The following GPAT3 variants were observed in gnomAD, a reference collection of about 807,000 sequenced individuals.
GPAT3 encodes glycerol-3-phosphate acyltransferase 3.
A neutral mutation model predicts 58.8 loss-of-function variants in GPAT3; 53 were observed. That is an observed-to-expected ratio of 0.90 (90% CI 0.72 to 1.13). GPAT3 has a LOEUF of 1.13. Ranked by LOEUF, GPAT3 falls within the 50% of genes most tolerant of loss-of-function variation. The pLI is 0.00. For synonymous variants in GPAT3, 197 were observed against 187.4 expected (o/e 1.05, Z -0.42); for missense variants, 511 against 527.6 (o/e 0.97, Z 0.31).
At position 83,574,243 on chromosome 4, in the gene GPAT3, AC is replaced by A. The variant is rs138147000; in HGVS notation, c.209-7316del. On this transcript the variant is annotated intron_variant, in intron 2 of 11. Transcript: ENST00000264409. ...CTGTATCTTCTTTGGTCTGCAGTAG[AC>A]CCTGATTTTCTTAACTGCTTGCTTA... 2.0e-3 allele frequency among the ~76,000 whole-genome samples: 310 copies of A among 152,306 alleles called. 3 individuals are homozygous for A. The highest frequency in any genetic ancestry group is 6.9e-3 in the African/African-American group (287 of 41,566).
At chr4:83,546,254 G>T (rs867837299) in intron 2 of GPAT3, among the ~76,000 whole-genome samples, 35 of 152,102 alleles carry the variant, frequency 2.3e-4, no homozygotes, top group Admixed American at 2.0e-4. Flanking sequence ...CAAAGTGCTG[G>T]GATTACAGGC....
chr4:83,587,422 G>A lies in GPAT3; in HGVS notation c.554+93G>A, dbSNP rs185826806. 3.3e-5 allele frequency: 37 copies of A among 1,108,262 alleles called. 1 individual carries two copies. The Admixed American group carries it at 3.7e-4, about 11-fold the overall frequency. 68.7% of individuals were successfully genotyped at this position (1,108,262 alleles called of 1,614,324 possible). On this transcript the variant is annotated intron_variant, in intron 4 of 11. Coordinates refer to ENST00000264409, the MANE Select transcript of GPAT3 (RefSeq NM_032717.5). Reference sequence around the variant, plus strand: ...AATATTTGTTTGATTCCTATGTATTGCATTATTATTATTATTATTTTTGAG... The same window carrying A: ...AATATTTGTTTGATTCCTATGTATTACATTATTATTATTATTATTTTTGAG...
At chr4:83,578,193 C>T (rs1196475351) in intron 2 of GPAT3, among the ~76,000 whole-genome samples, 1 of 152,176 alleles carries the variant, frequency 6.6e-6, no homozygotes, top group Non-Finnish European at 1.5e-5. Flanking sequence ...TTATGAATTG[C>T]TTGCTATATT....
intron 2 of GPAT3, among the ~76,000 whole-genome samples, chr4:83,575,374 T>G (rs1283550428): frequency 6.6e-6 from 1 of 152,172 alleles, no homozygotes; most frequent in Non-Finnish European, 1.5e-5. Context: ...AGTAACATTA[T>G]GTTTTCAGTC....
intron 6 of GPAT3, among the ~76,000 whole-genome samples, chr4:83,590,628 C>T (rs1307779633): frequency 6.6e-6 from 1 of 152,162 alleles, no homozygotes; most frequent in African/African-American, 2.4e-5. Context: ...TTTCTTTTTA[C>T]AGTTGCACAT....
At chr4:83,589,255 TG>T (rs1726499983) in intron 5 of GPAT3, among the ~76,000 whole-genome samples, 1 of 152,230 alleles carries the variant, frequency 6.6e-6, no homozygotes, top group South Asian at 2.1e-4. Context: ...TAAATAATTG[TG>T]TATTTGGTTC....
chr4:83,562,212 T>TAATATATATATATA (rs1560611087), intron 2 of GPAT3, among the ~76,000 whole-genome samples: 4 of 11,380 alleles, frequency 3.5e-4, no homozygotes, highest in African/African-American at 2.7e-3. Context: ...ATATATATAT[T>TAATATATATATATA]ATATATATAT....
intron 2 of GPAT3, among the ~76,000 whole-genome samples, chr4:83,549,965 C>T (rs911695533): frequency 4.6e-5 from 7 of 151,600 alleles, no homozygotes; most frequent in Non-Finnish European, 1.0e-4. Flanking sequence ...TCAAATGATC[C>T]ACCTGCCTCA....
At chr4:83,549,657 T>G (rs911784119) in intron 2 of GPAT3, among the ~76,000 whole-genome samples, 1 of 150,010 alleles carries the variant, frequency 6.7e-6, no homozygotes, top group Non-Finnish European at 1.5e-5. Context: ...CTCAGCCTCC[T>G]GAGTAGCTGG....
rs960402826 is a variant in GPAT3 at position 83,581,078 on chromosome 4, G to A, written c.209-484G>A. On this transcript the variant is annotated intron_variant, in intron 2 of 11. Transcript: ENST00000264409. ...GCCACTGCACTCCAGCCTGGGTGAC[G>A]GAGCAAGACTCCGTCTCAAAAAAAA... Among the ~76,000 whole-genome samples, 10 of 134,888 alleles carry A rather than the reference G, an allele frequency of 7.4e-5. No homozygotes were observed. In the East Asian group the frequency reaches 2.1e-3, roughly 29 times the overall value. The allele number at this position is 134,888 out of a possible 152,430, so 88.5% of individuals were successfully genotyped here.
In GPAT3 at chr4:83,561,628, T is replaced by C. The variant is rs576497843; in HGVS notation, c.208+17026T>C. Among the ~76,000 whole-genome samples, 22 of 152,286 alleles carry C rather than the reference T, an allele frequency of 1.4e-4. 1 individual carries two copies. Among genetic ancestry groups the C allele is most frequent in the Middle Eastern group, 3.4e-3 (1 of 294 alleles). ...GGGCAGGGATTGCAAAATCACAGCA[T>C]GTGCTAGTGTTCAGCATCTGATGTT... is the stretch of plus-strand genomic sequence containing the variant. On this transcript the variant is annotated intron_variant, in intron 2 of 11. Coordinates refer to ENST00000264409, the MANE Select transcript of GPAT3 (RefSeq NM_032717.5).
At chr4:83,544,781 T>G (rs1724445034) in intron 2 of GPAT3, among the ~76,000 whole-genome samples, 179 bp downstream of exon 2, 1 of 151,990 alleles carries the variant, frequency 6.6e-6, no homozygotes, top group Non-Finnish European at 1.5e-5. Context: ...ATTGTAAAGG[T>G]GGTAATATGT....
intron 1 of GPAT3, among the ~76,000 whole-genome samples, chr4:83,538,101 G>C (rs1416784518): frequency 6.6e-6 from 1 of 152,128 alleles, no homozygotes; most frequent in Non-Finnish European, 1.5e-5. Flanking sequence ...TCCCATTTTT[G>C]TGACCTGTTT....
At chr4:83,542,229 T>C (rs1191560226) in intron 1 of GPAT3, among the ~76,000 whole-genome samples, 1 of 152,252 alleles carries the variant, frequency 6.6e-6, no homozygotes, top group African/African-American at 2.4e-5. Flanking sequence ...TAACAATGAT[T>C]GTTTACAAAA....
rs374161859 is a variant in GPAT3, at chr4:83,599,987, T to C, written c.1205+1264T>C. Among the ~76,000 whole-genome samples the C allele has an allele frequency of 9.2e-5, 14 of 152,322 alleles. No homozygotes were observed. In the East Asian group the frequency reaches 1.7e-3, roughly 19 times the overall value. Reference sequence around the variant, plus strand: ...ATAATACACTGACTAATAAAAGTTATGTGAATGTGGTCTCTCTCTTTCTCA... The same window carrying C: ...ATAATACACTGACTAATAAAAGTTACGTGAATGTGGTCTCTCTCTTTCTCA... On this transcript the variant is annotated intron_variant, in intron 11 of 11. Transcript: ENST00000264409.
intron 2 of GPAT3, among the ~76,000 whole-genome samples, chr4:83,579,103 C>T (rs1285529998): frequency 1.8e-4 from 20 of 110,946 alleles, no homozygotes; most frequent in South Asian, 3.5e-4. Flanking sequence ...TCCTTCCTTC[C>T]TTCCTTCCTT....
chr4:83,581,276 T>G (rs2110097723), intron 2 of GPAT3, among the ~76,000 whole-genome samples: 1 of 152,034 alleles, frequency 6.6e-6, no homozygotes, highest in Non-Finnish European at 1.5e-5. Flanking sequence ...GTTCTTTGTC[T>G]AATGGTATGC....
intron 6 of GPAT3, among the ~76,000 whole-genome samples, chr4:83,592,301 G>A (rs1310202184): frequency 1.3e-5 from 2 of 152,188 alleles, no homozygotes; most frequent in Non-Finnish European, 2.9e-5. Context: ...AGTGGGTTGA[G>A]TGTAGAAAAC....
intron 1 of GPAT3, among the ~76,000 whole-genome samples, chr4:83,542,423 T>C (rs756565743): frequency 3.9e-5 from 6 of 152,220 alleles, no homozygotes; most frequent in Non-Finnish European, 7.3e-5. Context: ...CCGAGTCTTA[T>C]GATTTAGTCA....
Sources: gnomAD v4.1 joint callset for allele counts (sites outside exome capture counted in the v4.1 genomes callset) on GRCh38, gnomAD v4.1.1 for gene constraint, MANE v1.5 for transcripts, NCBI Gene and HGNC (gene_info 2026-07-23, HGNC 2026-07-21) for gene names.